Variants in FAR2 observed in about 807,000 individuals in gnomAD.
FAR2 encodes fatty acyl-CoA reductase 2, also known as epididymis secretory protein Li 81.
Under a neutral mutation model 56.0 loss-of-function variants are expected in FAR2, and 19 were observed. The ratio of observed to expected loss-of-function variants is 0.34; its 90% CI spans 0.24 to 0.50. The LOEUF is 0.50. Ranked by LOEUF, FAR2 falls within the 20% of genes least tolerant of loss-of-function variation. The pLI is 0.98. For synonymous variants in FAR2, 219 were observed against 218.8 expected, an observed-to-expected ratio of 1.00 and a Z score of -0.01; for missense variants, 508 against 642.2, an observed-to-expected ratio of 0.79 and a Z score of 2.26.
At chr12:29,273,518 G>C (rs1948654045) in intron 2 of FAR2, among the ~76,000 whole-genome samples, 1 of 152,210 alleles carries the variant, frequency 6.6e-6, no homozygotes, top group African/African-American at 2.4e-5. Flanking sequence ...GCACTAGCAG[G>C]GGAAAAGCAC....
At chr12:29,152,600 G>A (rs768404810) in intron 1 of FAR2, among the ~76,000 whole-genome samples, 7 of 152,234 alleles carry the variant, frequency 4.6e-5, no homozygotes, top group Non-Finnish European at 1.0e-4. Context: ...GATGAATGGA[G>A]ATTCGTTCTT....
chr12:29,152,440 C>G (rs899779159), intron 1 of FAR2, among the ~76,000 whole-genome samples: 1 of 152,190 alleles, frequency 6.6e-6, no homozygotes, highest in Non-Finnish European at 1.5e-5. Flanking sequence ...AGACTCCTCC[C>G]TTAACTACTC....
chr12:29,258,456 T>C (rs1948364000), intron 1 of FAR2, among the ~76,000 whole-genome samples: 1 of 152,240 alleles, frequency 6.6e-6, no homozygotes, highest in African/African-American at 2.4e-5. Context: ...ATTTTGTAAA[T>C]GCTTCTCCTA....
At chr12:29,244,417 T>C (rs1287559592) in intron 1 of FAR2, among the ~76,000 whole-genome samples, 1 of 152,150 alleles carries the variant, frequency 6.6e-6, no homozygotes, top group Non-Finnish European at 1.5e-5. Flanking sequence ...CAGAAATATG[T>C]TCCAAGCCAG....
rs562670645 is a variant in FAR2 at position 29,322,910 on chromosome 12, C to T, written c.1257+986C>T. On this transcript the variant is annotated intron_variant, in intron 10 of 11. Transcript: ENST00000536681. ...GGTGAGGCGACGCCTTGCCCTGCTT[C>T]GGCTCACGCACGGTGCACTTCACCC... 1.1e-4 allele frequency among the ~76,000 whole-genome samples: 17 copies of T among 152,308 alleles called. 1 individual carries two copies. In the South Asian group the frequency reaches 1.2e-3, roughly 11 times the overall value.
chr12:29,301,188 A>T lies in FAR2; in HGVS notation c.545+3988A>T, dbSNP rs117269346. 6.4e-3 allele frequency among the ~76,000 whole-genome samples: 971 copies of T among 152,364 alleles called. 9 individuals are homozygous for T. Among genetic ancestry groups the T allele is most frequent in the Middle Eastern group, 0.058 (17 of 294 alleles). On this transcript the variant is annotated intron_variant, in intron 4 of 11. Coordinates refer to ENST00000536681, the MANE Select transcript of FAR2 (RefSeq NM_001271783.2). ...TAGCACATTAGCAGAAATATATTTT[A>T]AAAATAACTTAAATCAGGAGTTAAT...
intron 1 of FAR2, among the ~76,000 whole-genome samples, chr12:29,247,044 C>T (rs1948139866): frequency 6.6e-6 from 1 of 152,086 alleles, no homozygotes; most frequent in Non-Finnish European, 1.5e-5. Context: ...CTGCATATTT[C>T]CAAATCATGT....
intron 4 of FAR2, among the ~76,000 whole-genome samples, chr12:29,299,190 T>G (rs6487800): frequency 0.57 from 77,248 of 136,206 alleles, 21,417 homozygotes; most frequent in East Asian, 0.66. Context: ...CCCAGCCTGG[T>G]CAACAAGAGC....
intron 10 of FAR2, among the ~76,000 whole-genome samples, chr12:29,328,798 C>T (rs543846393): frequency 2.0e-5 from 3 of 151,122 alleles, no homozygotes; most frequent in South Asian, 2.1e-4. Context: ...TGCTAAATGA[C>T]GAGTTAATGC....
intron 1 of FAR2, among the ~76,000 whole-genome samples, chr12:29,154,281 C>T (rs573913673): frequency 6.8e-6 from 1 of 147,852 alleles, no homozygotes; most frequent in Non-Finnish European, 1.5e-5. Flanking sequence ...AGCAGTTTTT[C>T]CTAAACTGCA....
intron 1 of FAR2, among the ~76,000 whole-genome samples, chr12:29,195,389 A>G (rs1045880032): frequency 4.6e-5 from 7 of 152,188 alleles, no homozygotes; most frequent in African/African-American, 1.7e-4. Flanking sequence ...CCTGAATGTT[A>G]TTACAAAACA....
At chr12:29,176,230 A>G (rs1413896063) in intron 1 of FAR2, among the ~76,000 whole-genome samples, 2 of 152,218 alleles carry the variant, frequency 1.3e-5, no homozygotes, top group Non-Finnish European at 2.9e-5. Context: ...TTTAATTTCT[A>G]ATGGATATAA....
At chr12:29,328,958 G>A (rs1039074047) in intron 10 of FAR2, among the ~76,000 whole-genome samples, 1 of 151,718 alleles carries the variant, frequency 6.6e-6, no homozygotes, top group Non-Finnish European at 1.5e-5. Context: ...TGCCAGCTAA[G>A]GGTTTCACTT....
chr12:29,236,579 A>G (rs1186619641), intron 1 of FAR2, among the ~76,000 whole-genome samples: 2 of 152,148 alleles, frequency 1.3e-5, no homozygotes, highest in African/African-American at 4.8e-5. Flanking sequence ...TAGTGCAGGA[A>G]AAACTACTAT....
chr12:29,282,471 T>G (rs1296804511), intron 2 of FAR2: 7 of 152,192 alleles, frequency 4.6e-5, no homozygotes, highest in Non-Finnish European at 1.0e-4. Context: ...AACTTATTCC[T>G]AAGTAGGGCC....
At chr12:29,312,226 G>A (rs1949364748) in intron 8 of FAR2, among the ~76,000 whole-genome samples, 2 of 152,094 alleles carry the variant, frequency 1.3e-5, no homozygotes, top group African/African-American at 4.8e-5. Flanking sequence ...GCAAAAGTTG[G>A]CAGTTATAAA....
At chr12:29,267,639 G>A (rs1428558936) in intron 1 of FAR2, among the ~76,000 whole-genome samples, 1 of 152,160 alleles carries the variant, frequency 6.6e-6, no homozygotes, top group African/African-American at 2.4e-5. Context: ...TCTTGAGGAA[G>A]TCACTGGGTG....
At chr12:29,235,350 C>T (rs904140913) in intron 1 of FAR2, among the ~76,000 whole-genome samples, 3 of 152,038 alleles carry the variant, frequency 2.0e-5, no homozygotes, top group Non-Finnish European at 4.4e-5. Flanking sequence ...TTAGAAAATC[C>T]CATCATATTT....
rs751829634 is a variant in FAR2 at position 29,307,823 on chromosome 12, G to A, written c.711G>A (p.Gln237=). 1 of 1,610,360 alleles carries A rather than the reference G, an allele frequency of 6.2e-7. No individual in the cohort carries two copies. The highest frequency in any genetic ancestry group is 8.5e-7 in the Non-Finnish European group (1 of 1,179,306). Residue 237 remains glutamine, a synonymous_variant, in exon 5 of 12, where the codon CAG becomes CAA. Coordinates refer to ENST00000536681, the MANE Select transcript of FAR2 (RefSeq NM_001271783.2). The stretch of plus-strand genomic sequence containing the variant: ...CCTCCATTGTGGGAGCAACTTGGCA[G>A]GAGCCTTTCCCAGTAAGCCCACTTA... ...IRPSIVGATW[Q]EPFPGWVDNI...
Sources: allele counts gnomAD v4.1 joint callset (sites outside exome capture counted in the v4.1 genomes callset), GRCh38; gene constraint gnomAD v4.1.1; transcripts MANE v1.5; gene names NCBI Gene and HGNC (gene_info 2026-07-23, HGNC 2026-07-21).